Variants in SH3RF3 observed in about 807,000 individuals in gnomAD.
SH3RF3 encodes the protein SH3 domain containing ring finger 3.
Under a neutral mutation model 66.3 loss-of-function variants are expected in SH3RF3, and 29 were observed. The ratio of observed to expected loss-of-function variants is 0.44; its 90% CI spans 0.33 to 0.60. SH3RF3 has a LOEUF of 0.60. Among genes scored for constraint, SH3RF3 ranks in the 20% least tolerant of loss-of-function variants. SH3RF3 has a pLI of 0.04. For missense variants in SH3RF3, 1,194 were observed against 1,190.9 expected (o/e 1.00, Z -0.04); for synonymous variants, 583 against 532.0 (o/e 1.10, Z -1.32).
intron 1 of SH3RF3, among the ~76,000 whole-genome samples, chr2:109,305,834 G>C (rs1681580589): frequency 1.3e-5 from 2 of 152,228 alleles, no homozygotes. Flanking sequence ...CTCTCACTGA[G>C]AAAGAGCAGG....
intron 4 of SH3RF3, among the ~76,000 whole-genome samples, chr2:109,404,992 A>G (rs900204988): frequency 6.9e-5 from 10 of 144,062 alleles, no homozygotes; most frequent in South Asian, 6.9e-4. Flanking sequence ...TCTAACCCCT[A>G]TGTCTACACA....
At chr2:109,460,450 G>A (rs1438529752) in intron 8 of SH3RF3, among the ~76,000 whole-genome samples, 1 of 152,162 alleles carries the variant, frequency 6.6e-6, no homozygotes, top group Non-Finnish European at 1.5e-5. Context: ...GTTGGCCATG[G>A]TGAGTGGAAA....
At chr2:109,278,930 G>A (rs74698603) in intron 1 of SH3RF3, among the ~76,000 whole-genome samples, 1 of 152,332 alleles carries the variant, frequency 6.6e-6, no homozygotes, top group Non-Finnish European at 1.5e-5. Context: ...GAGGCTCCGT[G>A]AGAATGTCTA....
chr2:109,283,654 A>G (rs188860207), intron 1 of SH3RF3, among the ~76,000 whole-genome samples: 2 of 152,306 alleles, frequency 1.3e-5, no homozygotes, highest in Admixed American at 6.5e-5. Flanking sequence ...TTCAGTGCAC[A>G]TGGGGACCTG....
At chr2:109,481,354 C>T (rs113531050) in intron 8 of SH3RF3, among the ~76,000 whole-genome samples, 11 of 152,274 alleles carry the variant, frequency 7.2e-5, no homozygotes, top group African/African-American at 2.4e-4. Context: ...TGAGCAAATA[C>T]GGAAAAACAA....
intron 1 of SH3RF3, among the ~76,000 whole-genome samples, chr2:109,238,449 TTGTGTGTGTGTG>T (rs56112018): frequency 0.021 from 2,973 of 142,656 alleles, 51 homozygotes; most frequent in African/African-American, 0.038. Context: ...TTATGTATAT[TTGTGTGTGTGTG>T]TGTGTGTGTG....
At chr2:109,365,159 T>C (rs78390723) in intron 2 of SH3RF3, among the ~76,000 whole-genome samples, 5,252 of 152,300 alleles carry the variant, frequency 0.034, 189 homozygotes, top group East Asian at 0.12. Context: ...CTGGCATGTT[T>C]CACAGTGGTT....
chr2:109,483,405 A>G (rs1678884723), intron 8 of SH3RF3, among the ~76,000 whole-genome samples: 1 of 151,336 alleles, frequency 6.6e-6, no homozygotes, highest in African/African-American at 2.4e-5. Flanking sequence ...TAGATGTCCC[A>G]CTGGAGCGTA....
chr2:109,278,940 A>G (rs1030320838), intron 1 of SH3RF3, among the ~76,000 whole-genome samples: 7 of 152,162 alleles, frequency 4.6e-5, no homozygotes, highest in Non-Finnish European at 8.8e-5. Flanking sequence ...GAGAATGTCT[A>G]CTTTGAGCAG....
At chr2:109,332,789 TG>T (rs1197556339) in intron 1 of SH3RF3, among the ~76,000 whole-genome samples, 2 of 152,124 alleles carry the variant, frequency 1.3e-5, no homozygotes, top group Non-Finnish European at 2.9e-5. Context: ...GTGTGGGTGG[TG>T]AGAAATAGGA....
Position 109,371,667 on chromosome 2 carries a change from C to G in SH3RF3, c.931C>G (p.Leu311Val). The G allele has an allele frequency of 2.5e-6, 4 of 1,613,826 alleles. No individual in the cohort carries two copies. The highest frequency in any genetic ancestry group is 3.4e-6 in the Non-Finnish European group (4 of 1,179,830). The change falls in exon 3 of 10, where the codon CTC becomes GTC. Residue 311 changes from leucine (L) to valine (V), a missense_variant. Leu to Val is a conservative substitution (Grantham distance 32). Coordinates refer to ENST00000309415, the MANE Select transcript of SH3RF3 (RefSeq NM_001099289.3). ...MLGDKIGIFP[L>V]LYVELNDSAK... ...GGGAGACAAGATCGGGATCTTCCCGCTCCTGTACGTGGAGGTAAGACCGTG... is the reference window on the plus strand; with the variant it reads ...GGGAGACAAGATCGGGATCTTCCCGGTCCTGTACGTGGAGGTAAGACCGTG...
intron 4 of SH3RF3, among the ~76,000 whole-genome samples, chr2:109,413,184 A>G (rs1676640026): frequency 6.6e-6 from 1 of 152,190 alleles, no homozygotes; most frequent in Admixed American, 6.5e-5. Context: ...GCGTGATCTC[A>G]GCTCACTGCA....
chr2:109,198,620 C>T (rs1260164890), intron 1 of SH3RF3, among the ~76,000 whole-genome samples: 1 of 152,240 alleles, frequency 6.6e-6, no homozygotes, highest in Non-Finnish European at 1.5e-5. Flanking sequence ...CCAGTGAGGG[C>T]TGTCTCCCTG....
chr2:109,356,331 G>T (rs1321592583), intron 2 of SH3RF3, among the ~76,000 whole-genome samples: 1 of 152,176 alleles, frequency 6.6e-6, no homozygotes, highest in Non-Finnish European at 1.5e-5. Context: ...ATTTGAGCCA[G>T]AAGAGATGCC....
At chr2:109,238,686 C>G (rs1679706263) in intron 1 of SH3RF3, among the ~76,000 whole-genome samples, 1 of 152,148 alleles carries the variant, frequency 6.6e-6, no homozygotes. Flanking sequence ...ACAGGATGGC[C>G]TCACTCCACA....
At chr2:109,418,478 C>A (rs761960938) in intron 4 of SH3RF3, among the ~76,000 whole-genome samples, 1 of 152,022 alleles carries the variant, frequency 6.6e-6, no homozygotes. Flanking sequence ...TGGTGGCTGC[C>A]GGCATCCTCA....
At chr2:109,462,029 C>G (rs1191627686) in intron 8 of SH3RF3, among the ~76,000 whole-genome samples, 1 of 151,970 alleles carries the variant, frequency 6.6e-6, no homozygotes, top group Non-Finnish European at 1.5e-5. Flanking sequence ...CACCAAACCC[C>G]TAGAAATTTC....
intron 1 of SH3RF3, among the ~76,000 whole-genome samples, chr2:109,235,820 G>T (rs941529187): frequency 1.3e-5 from 2 of 152,186 alleles, no homozygotes; most frequent in African/African-American, 4.8e-5. Context: ...TCGGCACCAG[G>T]GTGGGCCTCC....
In SH3RF3 at chr2:109,449,423, C is replaced by T. The variant is rs376546143; in HGVS notation, c.2082C>T (p.Ile694=). The T allele has an allele frequency of 2.5e-5, 41 of 1,613,752 alleles. No homozygotes were observed. In the African/African-American group the frequency reaches 4.3e-4, roughly 17 times the overall value. The change falls in exon 8 of 10, where the codon ATC becomes ATT. Residue 694 remains isoleucine, a synonymous_variant. Coordinates refer to ENST00000309415, the MANE Select transcript of SH3RF3 (RefSeq NM_001099289.3). The stretch of plus-strand genomic sequence containing the variant: ...ACGGGGAGGCTGGAGGGGGGCCCAT[C>T]GGTGTTCTGTCCACATCCAGCCCCA... ...NLNGEAGGGP[I]GVLSTSSPTN...
Sources: gnomAD v4.1 joint callset for allele counts (sites outside exome capture counted in the v4.1 genomes callset) on GRCh38, gnomAD v4.1.1 for gene constraint, MANE v1.5 for transcripts, NCBI Gene and HGNC (gene_info 2026-07-23, HGNC 2026-07-21) for gene names.